The following CNNM1 variants were observed in gnomAD, a reference collection of about 807,000 sequenced individuals.
CNNM1 encodes the protein cyclin and CBS domain divalent metal cation transport mediator 1, also known as metal transporter CNNM1.
Under a neutral mutation model 78.8 loss-of-function variants are expected in CNNM1, and 44 were observed. The ratio of observed to expected loss-of-function variants is 0.56; its 90% confidence interval spans 0.44 to 0.72. CNNM1 has a LOEUF of 0.72. Among genes scored for constraint, CNNM1 ranks in the 30% least tolerant of loss-of-function variants. The pLI is 0.00. For missense variants in CNNM1, 1,101 were observed against 1,292.2 expected (o/e 0.85, Z 2.27); for synonymous variants, 584 against 581.5 (o/e 1.00, Z -0.06).
intron 10 of CNNM1, among the ~76,000 whole-genome samples, 188 bp from the exon 11 acceptor site, chr10:99,391,249 C>T (rs890654282): frequency 3.3e-5 from 5 of 152,220 alleles, no homozygotes; most frequent in South Asian, 2.1e-4. Context: ...GTGGAAAGTA[C>T]GTCCTAATCT....
chr10:99,365,165 C>CCA (rs1167651068), intron 6 of CNNM1, 163 bp downstream of exon 6: 1 of 733,812 alleles, frequency 1.4e-6, no homozygotes, highest in Non-Finnish European at 2.4e-6. Context: ...TGCCAGGTAC[C>CCA]CACAGACCAT....
In CNNM1 at chr10:99,393,216, A is replaced by G. The variant is rs2032524990; in HGVS notation, c.*1700A>G. ...ATCCAGCTTCCCTCCCCTTCCTCCA[A>G]AACCCTCCCTCCCACCTCCCCACAC... On this transcript the variant is annotated 3_prime_UTR_variant, in exon 11 of 11. Transcript: ENST00000356713. 6.6e-6 allele frequency: 1 copy of G among 152,326 alleles called. No homozygotes were observed. Among genetic ancestry groups the G allele is most frequent in the Non-Finnish European group, 1.5e-5 (1 of 67,984 alleles). The allele number at this position is 152,326 out of a possible 1,614,324, so 9.4% of individuals were successfully genotyped here.
intron 6 of CNNM1, among the ~76,000 whole-genome samples, chr10:99,367,832 A>G (rs974628605): frequency 6.6e-6 from 1 of 151,422 alleles, no homozygotes; most frequent in Non-Finnish European, 1.5e-5. Context: ...ACAGGTTCCC[A>G]TAGTTCCCCT....
intron 1 of CNNM1, among the ~76,000 whole-genome samples, chr10:99,341,560 G>C (rs768189913): frequency 2.6e-5 from 4 of 152,158 alleles, no homozygotes; most frequent in Non-Finnish European, 5.9e-5. Flanking sequence ...TGGGTGATCT[G>C]AGAAAACTTT....
Position 99,330,231 on chromosome 10 carries a change from C to A in CNNM1, c.844C>A (p.Leu282Met). Residue 282 changes from leucine (L) to methionine (M), a missense_variant, in exon 1 of 11, where the codon CTG (leucine) becomes ATG (methionine). This residue lies in a region of CNNM1 where 476 missense variants were observed against 484.5 expected (regional missense o/e 0.98). Transcript: ENST00000356713. The part of the protein sequence containing the change: ...VQAVRGRGTH[L>M]LCTLLLGQAG... ...GGCCGTTCGCGGCAGGGGGACCCAT[C>A]TGCTCTGCACCCTACTCCTGGGCCA... The A allele has an allele frequency of 6.6e-7, 1 of 1,525,536 alleles. No homozygotes were observed. Among genetic ancestry groups the A allele is most frequent in the Non-Finnish European group, 8.8e-7 (1 of 1,137,544 alleles). The allele number at this position is 1,525,536 out of a possible 1,614,324, so 94.5% of individuals were successfully genotyped here. A position where few individuals can be genotyped will look rare whatever the true frequency, so the allele number is the denominator to read the frequency against.
intron 1 of CNNM1, among the ~76,000 whole-genome samples, chr10:99,336,482 C>T (rs990469091): frequency 6.6e-6 from 1 of 152,170 alleles, no homozygotes; most frequent in African/African-American, 2.4e-5. Context: ...CATAGTTAAG[C>T]AGTGCATGAC....
At chr10:99,355,009 C>T (rs2031082874) in intron 1 of CNNM1, among the ~76,000 whole-genome samples, 1 of 152,044 alleles carries the variant, frequency 6.6e-6, no homozygotes, top group Non-Finnish European at 1.5e-5. Context: ...ATACAAATGC[C>T]GTCTTTCCGA....
intron 6 of CNNM1, among the ~76,000 whole-genome samples, chr10:99,366,712 G>A (rs2031631565): frequency 6.6e-6 from 1 of 152,104 alleles, no homozygotes; most frequent in Admixed American, 6.5e-5. Context: ...AACTTGGGAG[G>A]TGGAGGTTGC....
Position 99,330,416 on chromosome 10 carries a change from C to G in CNNM1, c.1029C>G (p.Pro343=), listed in dbSNP as rs1850586510. ...TATTCCTGGGCGCCGAAATCTGCCC[C>G]TACTCAGTGTGTTCGCGGCACGGGC... ...GAVFLGAEIC[P]YSVCSRHGLA... The change falls in exon 1 of 11, where the codon CCC becomes CCG. Residue 343 remains proline (P), a synonymous_variant. Transcript: ENST00000356713. 6.3e-7 allele frequency: 1 copy of G among 1,594,090 alleles called. No individual in the cohort carries two copies. The highest frequency in any genetic ancestry group is 8.5e-7 in the Non-Finnish European group (1 of 1,171,446).
chr10:99,382,229 C>G (rs1181512736), intron 7 of CNNM1, among the ~76,000 whole-genome samples: 1 of 152,166 alleles, frequency 6.6e-6, no homozygotes, highest in Non-Finnish European at 1.5e-5. Flanking sequence ...TAATAGTTAT[C>G]TGGGAAAGGT....
At chr10:99,387,254 G>C (rs1387226572) in intron 7 of CNNM1, among the ~76,000 whole-genome samples, 1 of 152,160 alleles carries the variant, frequency 6.6e-6, no homozygotes, top group Non-Finnish European at 1.5e-5. Context: ...TCACAAGTCT[G>C]ACTCCTGTGA....
At chr10:99,366,170 A>G (rs2031612127) in intron 6 of CNNM1, among the ~76,000 whole-genome samples, 1 of 152,200 alleles carries the variant, frequency 6.6e-6, no homozygotes, top group Admixed American at 6.5e-5. Flanking sequence ...GATCTGTAAA[A>G]TTGAAAAGAC....
chr10:99,330,253 G>C lies in CNNM1; in HGVS notation c.866G>C (p.Gly289Ala). The C allele has an allele frequency of 6.5e-7, 1 of 1,548,716 alleles. No homozygotes were observed. The highest frequency in any genetic ancestry group is 1.7e-4 in the Middle Eastern group (1 of 5,888). The change falls in exon 1 of 11, where the codon GGC becomes GCC. Residue 289 changes from glycine (G) to alanine (A), a missense_variant. By Grantham distance (60) the Gly-to-Ala change is moderately conservative (BLOSUM62 0). Around this residue, in one of 3 missense-constraint regions of CNNM1, gnomAD observed 476 missense variants for 484.5 expected, o/e 0.98. Coordinates refer to ENST00000356713, the MANE Select transcript of CNNM1 (RefSeq NM_020348.3). ...GTHLLCTLLLGQAGANAALAG... is the reference protein window; with the variant it reads ...GTHLLCTLLLAQAGANAALAG... ...CATCTGCTCTGCACCCTACTCCTGG[G>C]CCAAGCCGGAGCCAACGCGGCCCTG...
In CNNM1 at chr10:99,394,173, A is replaced by C. The variant is rs1027084912; in HGVS notation, c.*2657A>C. On this transcript the variant is annotated 3_prime_UTR_variant, in exon 11 of 11. Coordinates refer to ENST00000356713, the MANE Select transcript of CNNM1 (RefSeq NM_020348.3). ...CCATCCCTTTGCAAAATCCCTATGGAGCCTGTCACCACTCCCCTCCCTATA... is the reference window on the plus strand; with the variant it reads ...CCATCCCTTTGCAAAATCCCTATGGCGCCTGTCACCACTCCCCTCCCTATA... 9.2e-5 allele frequency: 14 copies of C among 152,528 alleles called. No homozygotes were observed. The highest frequency in any genetic ancestry group is 2.9e-4 in the African/African-American group (12 of 41,410). 9.4% of individuals were successfully genotyped at this position (152,528 alleles called of 1,614,324 possible). A position where few individuals can be genotyped will look rare whatever the true frequency, so the allele number is the denominator to read the frequency against.
chr10:99,360,789 A>G (rs759193422), intron 2 of CNNM1, 46 bp from the exon 3 acceptor site: 1 of 1,538,818 alleles, frequency 6.5e-7, no homozygotes, highest in East Asian at 2.3e-5. Flanking sequence ...TCCAAAGATC[A>G]ACGTGATTCT....
In CNNM1 at chr10:99,330,491, C is replaced by T; in HGVS notation, c.1104C>T (p.Ala368=). ...SVCLTRLLMA[A]AFPVCYPLGR... ...GCCTGACCCGGCTTCTGATGGCAGCCGCCTTCCCCGTGTGCTACCCGCTGG... is the reference window on the plus strand; with the variant it reads ...GCCTGACCCGGCTTCTGATGGCAGCTGCCTTCCCCGTGTGCTACCCGCTGG... The change falls in exon 1 of 11, where the codon GCC becomes GCT. Residue 368 remains alanine (A), a synonymous_variant. Coordinates refer to ENST00000356713, the MANE Select transcript of CNNM1 (RefSeq NM_020348.3). The T allele has an allele frequency of 6.3e-7, 1 of 1,583,128 alleles. No individual in the cohort carries two copies. Among genetic ancestry groups the T allele is most frequent in the Admixed American group, 1.8e-5 (1 of 54,900 alleles).
At chr10:99,388,928 C>T (rs2032386876) in intron 9 of CNNM1, among the ~76,000 whole-genome samples, 1 of 152,154 alleles carries the variant, frequency 6.6e-6, no homozygotes, top group Admixed American at 6.6e-5. Context: ...TGGTGTTGCT[C>T]TGAGCTCCCA....
At chr10:99,343,030 A>G (rs1031985780) in intron 1 of CNNM1, among the ~76,000 whole-genome samples, 18 of 151,878 alleles carry the variant, frequency 1.2e-4, no homozygotes, top group African/African-American at 3.4e-4. Context: ...CAGTGGCACA[A>G]TCTCGGCTCA....
intron 2 of CNNM1, among the ~76,000 whole-genome samples, chr10:99,359,605 G>T (rs973663554): frequency 7.9e-5 from 12 of 152,158 alleles, no homozygotes; most frequent in African/African-American, 2.9e-4. Context: ...AGCTGCACCG[G>T]CAGGAGGGCA....
Sources: allele counts gnomAD v4.1 joint callset (sites outside exome capture counted in the v4.1 genomes callset), GRCh38; gene constraint gnomAD v4.1.1; regional missense constraint gnomAD v4.1.1; transcripts MANE v1.5; gene names NCBI Gene and HGNC (gene_info 2026-07-23, HGNC 2026-07-21).